PAPPA: variants seen among roughly 807,000 people sequenced by gnomAD.
The protein encoded by PAPPA is pappalysin 1, also known as pappalysin-1.
PAPPA carries 60 observed loss-of-function variants against 164.0 expected under a neutral mutation model. The observed-to-expected ratio is 0.37, with a 90% CI of 0.30 to 0.45. The LOEUF is 0.45. PAPPA is among the 20% of genes least tolerant of loss of function. The pLI is 1.00. For synonymous variants in PAPPA, 875 were observed against 814.1 expected, an observed-to-expected ratio of 1.07 and a Z score of -1.27; for missense variants, 1,782 against 2,087.3, an observed-to-expected ratio of 0.85 and a Z score of 2.85.
chr9:116,335,090 C>T lies in PAPPA; in HGVS notation c.3611+16C>T. 3 of 1,601,470 alleles carry T rather than the reference C, an allele frequency of 1.9e-6. No homozygotes were observed. The highest frequency in any genetic ancestry group is 2.6e-6 in the Non-Finnish European group (3 of 1,171,168). ...CCGAGCAGAGGTAAGGGATCCGCGG[C>T]AGACTCGCCCTAGGCCACTTGTAGC... is the stretch of plus-strand genomic sequence containing the variant. On this transcript the variant is annotated intron_variant, in intron 13 of 21. Transcript: ENST00000328252.
At position 116,283,564 on chromosome 9, in the gene PAPPA, C is replaced by T. The variant is rs902313458; in HGVS notation, c.2953+12148C>T. On this transcript the variant is annotated intron_variant, in intron 9 of 21. Coordinates refer to ENST00000328252, the MANE Select transcript of PAPPA (RefSeq NM_002581.5). ...AGTATTTTAAAAAAGATCAACCTCC[C>T]TGAATGGGATGCTCTTCAAGGGCCA... 6.6e-5 allele frequency among the ~76,000 whole-genome samples: 10 copies of T among 152,312 alleles called. No individual in the cohort carries two copies. The East Asian group carries it at 1.5e-3, about 23-fold the overall frequency.
chr9:116,222,388 T>C (rs1233339641), intron 5 of PAPPA, among the ~76,000 whole-genome samples: 4 of 152,200 alleles, frequency 2.6e-5, no homozygotes, highest in Non-Finnish European at 5.9e-5. Context: ...GTTGAAAATA[T>C]CGTAAGTCAA....
intron 13 of PAPPA, 141 bp downstream of exon 13, chr9:116,335,215 C>T (rs896356054): frequency 7.1e-5 from 50 of 701,518 alleles, no homozygotes; most frequent in Middle Eastern, 3.9e-4. Flanking sequence ...GGCCTCTGGC[C>T]GGCTCTGCCT....
At chr9:116,155,123 C>A (rs1184751222) in intron 1 of PAPPA, among the ~76,000 whole-genome samples, 1 of 152,192 alleles carries the variant, frequency 6.6e-6, no homozygotes, top group Admixed American at 6.5e-5. Flanking sequence ...TTGAAGCCTG[C>A]CTCTGGGACT....
chr9:116,360,682 C>G (rs1041516079), intron 17 of PAPPA, among the ~76,000 whole-genome samples: 1 of 152,200 alleles, frequency 6.6e-6, no homozygotes, highest in Non-Finnish European at 1.5e-5. Flanking sequence ...CATTCTATCA[C>G]TCTCCACCAA....
chr9:116,391,433 A>T (rs1051940234), intron 21 of PAPPA, among the ~76,000 whole-genome samples: 1 of 152,054 alleles, frequency 6.6e-6, no homozygotes, highest in Admixed American at 6.6e-5. Context: ...TCAGCACAAC[A>T]TGACTGTTGT....
chr9:116,231,659 GCGGATGGATGGA>G (rs1261825078), intron 6 of PAPPA, among the ~76,000 whole-genome samples: 1 of 126,580 alleles, frequency 7.9e-6, no homozygotes, highest in East Asian at 2.3e-4. Context: ...GAATGAATGG[GCGGATGGATGGA>G]TGGATGGATG....
In PAPPA at chr9:116,267,920, TA is replaced by T. The variant is rs1215993697; in HGVS notation, c.2861+1942del. ...AAAAAAAAAAAAAAAGAAATGGCAT[TA>T]AAAAAATATTGGCACTGATGAGGCA... On this transcript the variant is annotated intron_variant, in intron 8 of 21. Coordinates refer to ENST00000328252, the MANE Select transcript of PAPPA (RefSeq NM_002581.5). Among the ~76,000 whole-genome samples the T allele has an allele frequency of 3.1e-4, 44 of 142,778 alleles. 1 individual carries two copies. The South Asian group carries it at 9.5e-3, about 31-fold the overall frequency. 93.7% of individuals were successfully genotyped at this position (142,778 alleles called of 152,430 possible). A position where few individuals can be genotyped will look rare whatever the true frequency, so the allele number is the denominator to read the frequency against.
chr9:116,382,215 T>A (rs1846741463), intron 20 of PAPPA, among the ~76,000 whole-genome samples, 180 bp from the exon 21 acceptor site: 1 of 151,878 alleles, frequency 6.6e-6, no homozygotes, highest in Middle Eastern at 3.4e-3. Context: ...AAGATAAGAG[T>A]CTTTATGAAT....
At chr9:116,248,077 G>A (rs985812880) in intron 7 of PAPPA, among the ~76,000 whole-genome samples, 2 of 152,190 alleles carry the variant, frequency 1.3e-5, no homozygotes, top group African/African-American at 4.8e-5. Context: ...CTTGGCCAGA[G>A]CCATGATAGA....
At chr9:116,362,196 A>G (rs1402303293) in intron 17 of PAPPA, among the ~76,000 whole-genome samples, 1 of 152,150 alleles carries the variant, frequency 6.6e-6, no homozygotes, top group Non-Finnish European at 1.5e-5. Context: ...GTTCCTCATT[A>G]ACCCATGCTG....
chr9:116,178,972 C>T (rs1843868927), intron 1 of PAPPA, among the ~76,000 whole-genome samples: 1 of 152,222 alleles, frequency 6.6e-6, no homozygotes, highest in South Asian at 2.1e-4. Context: ...AAATGTACCA[C>T]ATAAGTCTGT....
rs144394469 is a variant in PAPPA at position 116,235,214 on chromosome 9, C to T, written c.2309C>T (p.Thr770Met). Residue 770 changes from threonine to methionine, a missense_variant, in exon 7 of 22, where the codon ACG becomes ATG. Thr to Met is a moderately conservative substitution (Grantham distance 81). Around this residue, in one of 2 missense-constraint regions of PAPPA, gnomAD observed 1,324 missense variants for 1,656.9 expected, o/e 0.80. Transcript: ENST00000328252. Reference protein sequence around the residue: ...WSPNSAVNPHTVPPACPEPQG... With the variant: ...WSPNSAVNPHMVPPACPEPQG... ...CCAAATTCAGCTGTCAACCCACACACGGTTCCTCCAGCCTGCCCTGAGCCT... is the reference window on the plus strand; with the variant it reads ...CCAAATTCAGCTGTCAACCCACACATGGTTCCTCCAGCCTGCCCTGAGCCT... 1.2e-5 allele frequency: 19 copies of T among 1,614,040 alleles called. No individual in the cohort carries two copies. Among genetic ancestry groups the T allele is most frequent in the South Asian group, 2.2e-5 (2 of 91,088 alleles).
At chr9:116,394,408 G>A (rs1040132001) in intron 21 of PAPPA, among the ~76,000 whole-genome samples, 2 of 152,188 alleles carry the variant, frequency 1.3e-5, no homozygotes, top group Non-Finnish European at 2.9e-5. Flanking sequence ...CTAAGATCAT[G>A]ACAGTGGAGG....
intron 10 of PAPPA, among the ~76,000 whole-genome samples, chr9:116,318,915 G>A (rs996019413): frequency 2.0e-5 from 3 of 152,170 alleles, no homozygotes; most frequent in African/African-American, 4.8e-5. Context: ...GGGCTGAGCC[G>A]GACAGTCATG....
intron 6 of PAPPA, among the ~76,000 whole-genome samples, chr9:116,231,569 A>G (rs1364899295): frequency 1.3e-5 from 2 of 152,014 alleles, no homozygotes; most frequent in Admixed American, 1.3e-4. Context: ...AACAGAGATC[A>G]TGTTGGCAAG....
intron 1 of PAPPA, among the ~76,000 whole-genome samples, chr9:116,184,914 A>T (rs1843951481): frequency 6.6e-6 from 1 of 152,188 alleles, no homozygotes; most frequent in African/African-American, 2.4e-5. Flanking sequence ...TGACACAGAC[A>T]CAACCATTGC....
chr9:116,319,810 A>G (rs1342949297), intron 10 of PAPPA, among the ~76,000 whole-genome samples: 1 of 152,206 alleles, frequency 6.6e-6, no homozygotes, highest in East Asian at 1.9e-4. Flanking sequence ...TCTGTAGGAC[A>G]AACAAGAAGG....
chr9:116,302,761 A>G lies in PAPPA; in HGVS notation c.2958A>G (p.Glu986=). ...RQEVSFNCID[E]PSRCYFHDGD... ...TTCTATGTCAATCTTTTGCAGATGA[A>G]CCCAGCCGGTGCTATTTCCATGATG... The change falls in exon 10 of 22, where the codon GAA becomes GAG. Residue 986 remains glutamate (E), a synonymous_variant. Coordinates refer to ENST00000328252, the MANE Select transcript of PAPPA (RefSeq NM_002581.5). 6.2e-7 allele frequency: 1 copy of G among 1,609,840 alleles called. No homozygotes were observed. Among genetic ancestry groups the G allele is most frequent in the Non-Finnish European group, 8.5e-7 (1 of 1,176,880 alleles).
Sources: allele counts gnomAD v4.1 joint callset (sites outside exome capture counted in the v4.1 genomes callset), GRCh38; gene constraint gnomAD v4.1.1; regional missense constraint gnomAD v4.1.1; transcripts MANE v1.5; gene names NCBI Gene and HGNC (gene_info 2026-07-23, HGNC 2026-07-21).